Variants in ASB2 observed in about 807,000 individuals in gnomAD.
ASB2 encodes the protein ankyrin repeat and SOCS box protein 2.
ASB2 carries 58 observed loss-of-function variants against 62.4 expected under a neutral mutation model. That is an observed-to-expected ratio of 0.93 (90% CI 0.75 to 1.16). The LOEUF (loss-of-function observed/expected upper bound fraction) is 1.16, where lower values mean the gene tolerates loss of function less well. Ranked by LOEUF, ASB2 falls within the 50% of genes most tolerant of loss-of-function variation. The probability of loss-of-function intolerance (pLI) is 0.00; values close to 1 mark genes in which losing one functional copy is unlikely to be tolerated. For missense variants in ASB2, 928 were observed against 887.9 expected, an observed-to-expected ratio of 1.05 and a Z score of -0.57; for synonymous variants, 386 against 385.3, an observed-to-expected ratio of 1.00 and a Z score of -0.02.
intron 7 of ASB2, 39 bp from the exon 8 acceptor site, chr14:93,939,711 C>G (rs2141273266): frequency 6.8e-6 from 9 of 1,332,256 alleles, no homozygotes; most frequent in South Asian, 1.6e-5. Flanking sequence ...AGGGGAGGGT[C>G]GGGGTGTGGA....
chr14:93,937,686 G>A lies in ASB2; in HGVS notation c.1771+12C>T, dbSNP rs1567018006. 6.3e-7 allele frequency: 1 copy of A among 1,596,650 alleles called. No individual in the cohort carries two copies. Among genetic ancestry groups the A allele is most frequent in the Non-Finnish European group, 8.6e-7 (1 of 1,165,292 alleles). On this transcript the variant is annotated intron_variant, in intron 9 of 9. Coordinates refer to ENST00000555019, the MANE Select transcript of ASB2 (RefSeq NM_001202429.2). ...AGATCTGCCAGCCTTGGCAGCAGCAGCAAGTCCCTACCTGCCTTCTCCTTG... is the reference window on the plus strand; with the variant it reads ...AGATCTGCCAGCCTTGGCAGCAGCAACAAGTCCCTACCTGCCTTCTCCTTG...
At chr14:93,936,227 G>A (rs977545273) in intron 9 of ASB2, among the ~76,000 whole-genome samples, 8 of 152,200 alleles carry the variant, frequency 5.3e-5, no homozygotes, top group Non-Finnish European at 1.2e-4. Context: ...AAACAAGCTC[G>A]TGGGGACTGT....
chr14:93,971,764 C>T (rs1218421924), intron 1 of ASB2, among the ~76,000 whole-genome samples: 5 of 151,892 alleles, frequency 3.3e-5, no homozygotes, highest in African/African-American at 9.7e-5. Context: ...GACTGAGGCA[C>T]ACTAAGGGAA....
chr14:93,975,214 A>G (rs925161401), intron 1 of ASB2, among the ~76,000 whole-genome samples: 1 of 152,254 alleles, frequency 6.6e-6, no homozygotes, highest in Admixed American at 6.5e-5. Flanking sequence ...AAACAAGCTT[A>G]TCTTCAGAAG....
Position 93,939,689 on chromosome 14 carries a change from C to A in ASB2, c.1053-17G>T. ...TGCACGATCCTGCCGGGTCGAGGGG[C>A]GGGCGCGGGTGAGGGGAGGGTCGGG... is the stretch of plus-strand genomic sequence containing the variant. On this transcript the variant is annotated splice_polypyrimidine_tract_variant and intron_variant, in intron 7 of 9. Coordinates refer to ENST00000555019, the MANE Select transcript of ASB2 (RefSeq NM_001202429.2). The A allele has an allele frequency of 7.7e-7, 1 of 1,295,752 alleles. No individual in the cohort carries two copies. The highest frequency in any genetic ancestry group is 1.5e-5 in the South Asian group (1 of 64,744). 80.3% of individuals were successfully genotyped at this position (1,295,752 alleles called of 1,614,324 possible).
rs1277349419 is a variant in ASB2 at position 93,964,509 on chromosome 14, G to A, written c.31C>T (p.Gln11Ter). The A allele has an allele frequency of 6.5e-7, 1 of 1,536,066 alleles. No individual in the cohort carries two copies. ...TACTCCTCCTGCCCAATGGTACACT[G>A]GCTGCCCCGAGTGCTGATCTGCGTG... MATQISTRGS[Q>*]CTIGQEEYSL... The change falls in exon 2 of 10, where the codon CAG becomes TAG. Residue 11 changes from glutamine to a stop codon, truncating the protein, a stop_gained. Coordinates refer to ENST00000555019, the MANE Select transcript of ASB2 (RefSeq NM_001202429.2). LOFTEE classifies it high-confidence loss of function.
chr14:93,949,011 C>A (rs1010882758), intron 6 of ASB2, among the ~76,000 whole-genome samples: 4 of 152,238 alleles, frequency 2.6e-5, no homozygotes, highest in African/African-American at 4.8e-5. Context: ...GGCCTGGTGA[C>A]AATCTGCCTT....
At chr14:93,951,316 C>A in intron 5 of ASB2, 72 bp from the exon 6 acceptor site, 1 of 1,509,414 alleles carries the variant, frequency 6.6e-7, no homozygotes, top group Non-Finnish European at 8.9e-7. Flanking sequence ...TGCATTCATT[C>A]GCCTGTCCAT....
chr14:93,938,200 G>C (rs562629381), intron 8 of ASB2, among the ~76,000 whole-genome samples: 1 of 149,332 alleles, frequency 6.7e-6, no homozygotes, highest in Non-Finnish European at 1.5e-5. Flanking sequence ...AGCTCCAGGA[G>C]AGGAGTGTGT....
chr14:93,953,728 A>C (rs914710604), intron 4 of ASB2, among the ~76,000 whole-genome samples: 2 of 152,152 alleles, frequency 1.3e-5, no homozygotes, highest in Admixed American at 6.5e-5. Flanking sequence ...AGCCTTCCCT[A>C]ATGGAGCCCC....
At position 93,939,583 on chromosome 14, in the gene ASB2, T is replaced by C. The variant is rs867671977; in HGVS notation, c.1142A>G (p.His381Arg). The C allele has an allele frequency of 2.5e-6, 4 of 1,580,250 alleles. No homozygotes were observed. Among genetic ancestry groups the C allele is most frequent in the Non-Finnish European group, 3.4e-6 (4 of 1,168,042 alleles). The part of the protein sequence containing the change: ...SPLHLAAERN[H>R]DEVLEALLSA... ...CAGCAGCGCCTCCAGCACCTCGTCG[T>C]GGTTGCGCTCGGCCGCCAGGTGCAG... The change falls in exon 8 of 10, where the codon CAC becomes CGC. Residue 381 changes from histidine (H) to arginine (R), a missense_variant. Transcript: ENST00000555019.
In ASB2 at chr14:93,939,127, T is replaced by C. The variant is rs762233155; in HGVS notation, c.1598A>G (p.Lys533Arg). 3 of 1,531,030 alleles carry C rather than the reference T, an allele frequency of 2.0e-6. No homozygotes were observed. The highest frequency in any genetic ancestry group is 4.0e-5 in the Admixed American group (2 of 49,950). 94.8% of individuals were successfully genotyped at this position (1,531,030 alleles called of 1,614,324 possible). The change falls in exon 8 of 10, where the codon AAG becomes AGG. Residue 533 changes from lysine (K) to arginine (R), a missense_variant. Physicochemically the swap from Lys to Arg is conservative, Grantham distance 26. Coordinates refer to ENST00000555019, the MANE Select transcript of ASB2 (RefSeq NM_001202429.2). ...GCCCACCTGCACCACGCTGGGCTCC[T>C]TGTCGGCCGCGGGCGCGTCGTTGAA... ...SRFNDAPAAD[K>R]EPSVVQFCEF...
intron 6 of ASB2, among the ~76,000 whole-genome samples, chr14:93,950,349 C>T (rs889075004): frequency 6.6e-6 from 1 of 152,160 alleles, no homozygotes; most frequent in Non-Finnish European, 1.5e-5. Context: ...TGCCATGTCT[C>T]GTGGTCTTTT....
intron 7 of ASB2, 29 bp downstream of exon 7, chr14:93,947,320 G>A: frequency 6.2e-7 from 1 of 1,611,832 alleles, no homozygotes; most frequent in African/African-American, 1.3e-5. Context: ...CGGGAGAGCT[G>A]CCTGGGTGCT....
At chr14:93,966,449 T>A (rs1257019132) in intron 1 of ASB2, among the ~76,000 whole-genome samples, 1 of 152,232 alleles carries the variant, frequency 6.6e-6, no homozygotes, top group African/African-American at 2.4e-5. Flanking sequence ...GTGAACAAAA[T>A]GATTCCTTTC....
At chr14:93,962,145 C>A (rs1314149944) in intron 2 of ASB2, among the ~76,000 whole-genome samples, 1 of 94,746 alleles carries the variant, frequency 1.1e-5, no homozygotes, top group Non-Finnish European at 1.9e-5. Flanking sequence ...GATGGAGTCT[C>A]GCTCTGTCGC....
At chr14:93,957,272 T>A in intron 2 of ASB2, 1 of 1,146,920 alleles carries the variant, frequency 8.7e-7, no homozygotes, top group South Asian at 2.7e-5. Flanking sequence ...GCCAGGCAGA[T>A]CCCTGCGGGG....
chr14:93,936,852 AG>A (rs1337126126), intron 9 of ASB2, among the ~76,000 whole-genome samples: 2 of 152,208 alleles, frequency 1.3e-5, no homozygotes, highest in Non-Finnish European at 2.9e-5. Context: ...AGAAAGCCCT[AG>A]GGTAGCTAGA....
At chr14:93,960,716 G>A (rs1950347) in intron 2 of ASB2, among the ~76,000 whole-genome samples, 98,931 of 151,998 alleles carry the variant, frequency 0.65, 33,905 homozygotes, top group East Asian at 0.97. Flanking sequence ...TGTGCCTTAC[G>A]TTGAGGTGAG....
Sources: allele counts gnomAD v4.1 joint callset (sites outside exome capture counted in the v4.1 genomes callset), GRCh38; gene constraint gnomAD v4.1.1; transcripts MANE v1.5; gene names NCBI Gene and HGNC (gene_info 2026-07-23, HGNC 2026-07-21).